Variants in HSPA12A observed in about 807,000 individuals in gnomAD.
HSPA12A encodes heat shock protein family A (Hsp70) member 12A.
In HSPA12A, 28 loss-of-function variants were observed where a neutral mutation model predicts 69.2. The ratio of observed to expected loss-of-function variants is 0.40; its 90% CI spans 0.30 to 0.55. HSPA12A has a LOEUF of 0.55. Ranked by LOEUF, HSPA12A falls within the 20% of genes least tolerant of loss-of-function variation. HSPA12A has a pLI of 0.38. For synonymous variants in HSPA12A, 345 were observed against 370.5 expected, an observed-to-expected ratio of 0.93 and a Z score of 0.79; for missense variants, 686 against 900.7, an observed-to-expected ratio of 0.76 and a Z score of 3.05.
rs782117391 is a variant in HSPA12A, at chr10:116,674,755, A to C, written c.*26T>G. On this transcript the variant is annotated 3_prime_UTR_variant, in exon 12 of 12. Coordinates refer to ENST00000369209, the MANE Select transcript of HSPA12A (RefSeq NM_025015.3). ...AGCAGATGCAGATAAGTTGAGTCCA[A>C]GGGGACAGGCAGCGGGGCGGGAGGG... 1 of 1,585,674 alleles carries C rather than the reference A, an allele frequency of 6.3e-7. No homozygotes were observed. The highest frequency in any genetic ancestry group is 2.2e-5 in the East Asian group (1 of 44,544).
At chr10:116,714,859 A>G (rs1850559234) in intron 1 of HSPA12A, among the ~76,000 whole-genome samples, 1 of 152,210 alleles carries the variant, frequency 6.6e-6, no homozygotes. Context: ...TCCCCTGCCT[A>G]GCGTGCATCC....
chr10:116,833,195 G>C (rs1039669477), intron 2 of HSPA12A: 1 of 152,112 alleles, frequency 6.6e-6, no homozygotes, highest in Non-Finnish European at 1.5e-5. Context: ...AACATGTTCC[G>C]TCTGTTCACG....
chr10:116,761,579 T>TA (rs58018018), intron 2 of HSPA12A, among the ~76,000 whole-genome samples: 2 of 138,722 alleles, frequency 1.4e-5, no homozygotes, highest in African/African-American at 5.3e-5. Flanking sequence ...GTAAAAAAAA[T>TA]AAAAAAAAAA....
chr10:116,732,895 C>T (rs142842400), intron 1 of HSPA12A, among the ~76,000 whole-genome samples: 4 of 152,238 alleles, frequency 2.6e-5, no homozygotes, highest in African/African-American at 9.6e-5. Flanking sequence ...CGATTCTGAG[C>T]CTGGCTTTGC....
intron 6 of HSPA12A, among the ~76,000 whole-genome samples, chr10:116,687,376 G>A (rs1156979314): frequency 6.6e-6 from 1 of 152,178 alleles, no homozygotes; most frequent in Non-Finnish European, 1.5e-5. Context: ...CTCGGACAAA[G>A]TAACCACACT....
At chr10:116,790,865 AT>A (rs1008062582) in intron 2 of HSPA12A, among the ~76,000 whole-genome samples, 4 of 151,912 alleles carry the variant, frequency 2.6e-5, no homozygotes, top group African/African-American at 9.7e-5. Flanking sequence ...TAATTTTTGT[AT>A]TTTTAGTAGA....
chr10:116,787,004 ACACATACACACACG>A (rs1232282275), intron 2 of HSPA12A, among the ~76,000 whole-genome samples: 10 of 42,436 alleles, frequency 2.4e-4, no homozygotes, highest in African/African-American at 5.7e-4. Flanking sequence ...ACACACACAC[ACACATACACACACG>A]CACGCACTCA....
chr10:116,726,180 T>C (rs1176512095), intron 1 of HSPA12A, among the ~76,000 whole-genome samples: 2 of 152,052 alleles, frequency 1.3e-5, no homozygotes, highest in East Asian at 3.9e-4. Context: ...CACTTTGCAA[T>C]CTCACTACCG....
chr10:116,683,735 C>T (rs1849487191), intron 7 of HSPA12A, 56 bp downstream of exon 7: 2 of 1,423,902 alleles, frequency 1.4e-6, no homozygotes, highest in African/African-American at 1.4e-5. Context: ...GGGAGAGAGA[C>T]ATCCAGGGCT....
chr10:116,808,648 C>T (rs1416208041), intron 2 of HSPA12A, among the ~76,000 whole-genome samples: 1 of 152,150 alleles, frequency 6.6e-6, no homozygotes, highest in African/African-American at 2.4e-5. Flanking sequence ...CAGCGTGCAT[C>T]CTGTTCCCCA....
rs73385324 is a variant in HSPA12A, at chr10:116,804,769, C to T, written c.91+30166G>A. Among the ~76,000 whole-genome samples the T allele has an allele frequency of 4.8e-3, 733 of 152,274 alleles. 3 individuals carry two copies. Among genetic ancestry groups the T allele is most frequent in the African/African-American group, 0.016 (681 of 41,566 alleles). On this transcript the variant is annotated intron_variant, in intron 2 of 12. Transcript: ENST00000635765. ...GGCACATAATCTCCCAGCCCATTTG[C>T]AGCTCCTATTTTCTTGGGGCTGGGA...
At position 116,710,931 on chromosome 10, in the gene HSPA12A, CCT is replaced by C. The variant is rs1424208305; in HGVS notation, c.41-3648_41-3647del. The stretch of plus-strand genomic sequence containing the variant: ...AAAAACGGAAAAGCCTATCTCACCC[CCT>C]GAGGAGAATGGGGAGTTTAATTCTG... On this transcript the variant is annotated intron_variant, in intron 1 of 11. Transcript: ENST00000369209. This position sits in a 1 kb window ranked among gnomAD's most constrained non-coding sequence, Gnocchi z 4.1. Among the ~76,000 whole-genome samples the C allele has an allele frequency of 6.6e-6, 1 of 152,118 alleles. No homozygotes were observed. The highest frequency in any genetic ancestry group is 2.4e-5 in the African/African-American group (1 of 41,414).
intron 2 of HSPA12A, among the ~76,000 whole-genome samples, chr10:116,767,089 G>A (rs1554889849): frequency 6.6e-6 from 1 of 152,164 alleles, no homozygotes; most frequent in South Asian, 2.1e-4. Context: ...CAGGCCTCTG[G>A]GGGCTAGAGC....
intron 2 of HSPA12A, among the ~76,000 whole-genome samples, chr10:116,753,231 G>C (rs1843750214): frequency 6.6e-6 from 1 of 151,842 alleles, no homozygotes; most frequent in Non-Finnish European, 1.5e-5. Context: ...GTGGGGCCAG[G>C]ATGGTCAGGG....
In HSPA12A at chr10:116,752,358, A is replaced by G. The variant is rs79594572; in HGVS notation, c.92-45073T>C. On this transcript the variant is annotated intron_variant, in intron 2 of 12. Transcript: ENST00000635765. Reference sequence around the variant, plus strand: ...TCACATGGTTTCTGAATTATCCCATAGCAAGTCAGCCAAGACACCTGGTCT... The same window carrying G: ...TCACATGGTTTCTGAATTATCCCATGGCAAGTCAGCCAAGACACCTGGTCT... Among the ~76,000 whole-genome samples the G allele has an allele frequency of 6.8e-3, 1,042 of 152,346 alleles. 11 individuals carry two copies. Among genetic ancestry groups the G allele is most frequent in the African/African-American group, 0.024 (988 of 41,584 alleles).
chr10:116,726,645 A>T (rs1329557400), intron 1 of HSPA12A, among the ~76,000 whole-genome samples: 1 of 151,320 alleles, frequency 6.6e-6, no homozygotes, highest in Non-Finnish European at 1.5e-5. Flanking sequence ...GCCCCTCAAC[A>T]CTCCTACCCT....
intron 1 of HSPA12A, among the ~76,000 whole-genome samples, chr10:116,733,266 G>C (rs1851216905): frequency 6.6e-6 from 1 of 152,170 alleles, no homozygotes; most frequent in Non-Finnish European, 1.5e-5. Context: ...GAAGTAAGTG[G>C]CCAGAGGAGT....
Position 116,675,218 on chromosome 10 carries a change from G to A in HSPA12A, c.1591C>T (p.Arg531Cys), listed in dbSNP as rs782645684. 13 of 1,613,682 alleles carry A rather than the reference G, an allele frequency of 8.1e-6. No individual in the cohort carries two copies. Among genetic ancestry groups the A allele is most frequent in the Admixed American group, 3.3e-5 (2 of 60,016 alleles). Reference sequence around the variant, plus strand: ...ACCCCGTAGGTGAGCGGCGACCGGCGCACCTTGATGACCGCGGGGTCCAGG... The same window carrying A: ...ACCCCGTAGGTGAGCGGCGACCGGCACACCTTGATGACCGCGGGGTCCAGG... ...FGLDPAVIKV[R>C]RSPLTYGVGV... Residue 531 changes from arginine (R) to cysteine (C), a missense_variant, in exon 12 of 12, where the codon CGC becomes TGC. Transcript: ENST00000369209. This position sits in a 1 kb window ranked among gnomAD's most constrained non-coding sequence, Gnocchi z 5.2.
At chr10:116,711,456 T>C (rs1209417863) in intron 1 of HSPA12A, among the ~76,000 whole-genome samples, 1 of 152,116 alleles carries the variant, frequency 6.6e-6, no homozygotes, top group African/African-American at 2.4e-5. Flanking sequence ...TTAAAGAAAA[T>C]GCTCTATCAA....
Sources: allele counts gnomAD v4.1 joint callset (sites outside exome capture counted in the v4.1 genomes callset), GRCh38; gene constraint gnomAD v4.1.1; non-coding constraint Gnocchi (gnomAD v3.1); transcripts MANE v1.5; gene names NCBI Gene and HGNC (gene_info 2026-07-23, HGNC 2026-07-21).